RHPN2: variants seen among roughly 807,000 people sequenced by gnomAD.
The protein encoded by RHPN2 is rhophilin-2.
Under a neutral mutation model 79.0 loss-of-function variants are expected in RHPN2, and 40 were observed. That is an observed-to-expected ratio of 0.51 (90% CI 0.39 to 0.66). The LOEUF (loss-of-function observed/expected upper bound fraction) is 0.66. RHPN2 is among the 30% of genes least tolerant of loss of function. The probability of loss-of-function intolerance (pLI) is 0.00; values close to 1 mark genes in which losing one functional copy is unlikely to be tolerated. For synonymous variants in RHPN2, 285 were observed against 363.5 expected (o/e 0.78, Z 2.46); for missense variants, 686 against 883.5 (o/e 0.78, Z 2.83).
intron 14 of RHPN2, among the ~76,000 whole-genome samples, chr19:32,984,540 TC>T (rs992207432): frequency 6.6e-6 from 1 of 151,906 alleles, no homozygotes. Context: ...GTGCATGTAA[TC>T]CCAGCTACTC....
intron 1 of RHPN2, among the ~76,000 whole-genome samples, chr19:33,057,631 G>A (rs1319461481): frequency 6.8e-6 from 1 of 147,752 alleles, no homozygotes; most frequent in Non-Finnish European, 1.5e-5. Flanking sequence ...AGCCAAGACC[G>A]TGCCACTGCA....
At chr19:33,059,227 TCCCCAGCTCA>T (rs1394748107) in intron 1 of RHPN2, among the ~76,000 whole-genome samples, 1 of 151,280 alleles carries the variant, frequency 6.6e-6, no homozygotes, top group Non-Finnish European at 1.5e-5. Context: ...CTGGGCCCCA[TCCCCAGCTCA>T]CCTTCTCCCT....
At chr19:33,002,194 T>C (rs1971753731) in intron 9 of RHPN2, 53 bp downstream of exon 9, 1 of 1,592,304 alleles carries the variant, frequency 6.3e-7, no homozygotes, top group African/African-American at 1.3e-5. Context: ...GAATCGCCCC[T>C]GGGGCAGCTG....
intron 7 of RHPN2, among the ~76,000 whole-genome samples, chr19:33,003,542 A>G (rs1237329815): frequency 6.6e-6 from 1 of 152,144 alleles, no homozygotes; most frequent in African/African-American, 2.4e-5. Context: ...GTTAATAGCA[A>G]CATTATTCAC....
At position 33,034,783 on chromosome 19, in the gene RHPN2, CAAAAA is replaced by C. The variant is rs58456679; in HGVS notation, c.186-8156_186-8152del. Among the ~76,000 whole-genome samples the C allele has an allele frequency of 2.7e-4, 14 of 50,910 alleles. No individual in the cohort carries two copies. The East Asian group carries it at 7.0e-3, about 26-fold the overall frequency. The allele number at this position is 50,910 out of a possible 152,430, so 33.4% of individuals were successfully genotyped here. On this transcript the variant is annotated intron_variant, in intron 2 of 14. Transcript: ENST00000254260. ...TGGGCAATAGAGCAAGACTCCATCT[CAAAAA>C]AAAAAAAAAAAAAAAAGATTTACAA...
At chr19:32,992,098 G>A in intron 12 of RHPN2, 129 bp from the exon 13 acceptor site, 4 of 961,160 alleles carry the variant, frequency 4.2e-6, no homozygotes, top group Non-Finnish European at 6.6e-6. Context: ...GACACATCTG[G>A]GGGCATACAT....
intron 13 of RHPN2, 144 bp from the exon 14 acceptor site, chr19:32,990,813 T>G: frequency 1.2e-6 from 1 of 806,090 alleles, no homozygotes; most frequent in South Asian, 1.6e-5. Flanking sequence ...GTAGATCACT[T>G]GAGGTCAGTA....
At chr19:32,993,015 A>G (rs1971673226) in intron 12 of RHPN2, among the ~76,000 whole-genome samples, 2 of 151,860 alleles carry the variant, frequency 1.3e-5, no homozygotes, top group South Asian at 4.2e-4. Context: ...CTACTAGGGT[A>G]GCTAAGGCAG....
At chr19:33,018,916 AC>A (rs1971900157) in intron 4 of RHPN2, among the ~76,000 whole-genome samples, 1 of 151,472 alleles carries the variant, frequency 6.6e-6, no homozygotes, top group Admixed American at 6.6e-5. Context: ...CTGTAATCCC[AC>A]CTACTCAGGA....
intron 2 of RHPN2, among the ~76,000 whole-genome samples, chr19:33,028,540 T>C (rs1971985383): frequency 1.3e-5 from 2 of 152,060 alleles, no homozygotes; most frequent in East Asian, 3.9e-4. Context: ...AAGAATAAAA[T>C]ACTCAGGAAT....
At chr19:33,048,330 A>G (rs1324591493) in intron 1 of RHPN2, among the ~76,000 whole-genome samples, 1 of 151,504 alleles carries the variant, frequency 6.6e-6, no homozygotes, top group Admixed American at 6.6e-5. Context: ...TGCTGGGATT[A>G]CAGGCATGAG....
chr19:33,004,979 C>G (rs912193469), intron 7 of RHPN2, among the ~76,000 whole-genome samples: 9 of 151,628 alleles, frequency 5.9e-5, no homozygotes, highest in African/African-American at 2.2e-4. Context: ...CCTGTGTCAC[C>G]TGGGACAAAA....
chr19:33,000,027 T>A (rs368960198), intron 9 of RHPN2, among the ~76,000 whole-genome samples: 1 of 151,972 alleles, frequency 6.6e-6, no homozygotes, highest in Non-Finnish European at 1.5e-5. Context: ...CACCACCACA[T>A]GCCAGGCTAA....
At chr19:32,984,966 T>C (rs1206177614) in intron 14 of RHPN2, among the ~76,000 whole-genome samples, 3 of 151,078 alleles carry the variant, frequency 2.0e-5, no homozygotes, top group Non-Finnish European at 4.4e-5. Flanking sequence ...ATTAGCTGGG[T>C]ATAGTGGTGC....
At chr19:33,048,207 C>T (rs1397492321) in intron 1 of RHPN2, among the ~76,000 whole-genome samples, 2 of 151,702 alleles carry the variant, frequency 1.3e-5, no homozygotes, top group African/African-American at 4.8e-5. Context: ...AGGCACCCAC[C>T]ACCACACCCA....
chr19:33,007,737 A>ACCAC (rs1327314938), intron 7 of RHPN2, among the ~76,000 whole-genome samples: 2 of 149,966 alleles, frequency 1.3e-5, no homozygotes, highest in African/African-American at 4.9e-5. Flanking sequence ...TGAGGTCTGA[A>ACCAC]CCACCGAGCA....
chr19:33,055,747 A>AC (rs1972227184), intron 1 of RHPN2, among the ~76,000 whole-genome samples: 1 of 113,406 alleles, frequency 8.8e-6, no homozygotes, highest in African/African-American at 3.5e-5. Context: ...AAAAAAAAAA[A>AC]ACAACAACAA....
intron 7 of RHPN2, among the ~76,000 whole-genome samples, chr19:33,006,235 C>T (rs10423470): frequency 0.2 from 30,145 of 151,904 alleles, 3,068 homozygotes; most frequent in Middle Eastern, 0.28. Context: ...CTTACTCTGT[C>T]ACCCAGGCTA....
chr19:33,044,480 T>C (rs1474360619), intron 1 of RHPN2, 116 bp from the exon 2 acceptor site: 2 of 770,888 alleles, frequency 2.6e-6, no homozygotes, highest in Admixed American at 2.1e-5. Context: ...AAACAAAGCA[T>C]CTACATAGAA....
Sources: allele counts gnomAD v4.1 joint callset (sites outside exome capture counted in the v4.1 genomes callset), GRCh38; gene constraint gnomAD v4.1.1; transcripts MANE v1.5; gene names NCBI Gene and HGNC (gene_info 2026-07-23, HGNC 2026-07-21).